FNDC8: variants seen among roughly 807,000 people sequenced by gnomAD.
The protein encoded by FNDC8 is fibronectin type III domain containing 8, also known as fibronectin type III domain-containing protein 8.
FNDC8 carries 23 observed loss-of-function variants against 24.8 expected under a neutral mutation model. The ratio of observed to expected loss-of-function variants is 0.93; its 90% CI spans 0.67 to 1.31. The LOEUF (loss-of-function observed/expected upper bound fraction) is 1.31, where lower values mean the gene tolerates loss of function less well. Among genes scored for constraint, FNDC8 ranks in the 40% most tolerant of loss-of-function variants. The pLI is 0.00. For synonymous variants in FNDC8, 158 were observed against 165.3 expected (o/e 0.96, Z 0.34); for missense variants, 371 against 398.2 (o/e 0.93, Z 0.58).
intron 1 of FNDC8, among the ~76,000 whole-genome samples, chr17:35,126,782 G>T (rs2091850830): frequency 6.6e-6 from 1 of 152,232 alleles, no homozygotes; most frequent in South Asian, 2.1e-4. Flanking sequence ...TTATAGGCGT[G>T]AGCCACTGCG....
intron 1 of FNDC8, 85 bp downstream of exon 1, chr17:35,121,987 CTTTTTTT>C: frequency 4.7e-6 from 3 of 637,506 alleles, no homozygotes; most frequent in Non-Finnish European, 7.0e-6. Context: ...TCCTTCCTTC[CTTTTTTT>C]TTTTTTTTTT....
At chr17:35,129,142 T>C (rs2091861291) in intron 2 of FNDC8, 1 of 375,460 alleles carries the variant, frequency 2.7e-6, no homozygotes, top group Non-Finnish European at 5.0e-6. Flanking sequence ...CATGGACTGC[T>C]ATCAGTTGGT....
At chr17:35,129,385 A>C (rs367578466) in intron 2 of FNDC8, 37 bp from the exon 3 acceptor site, 2 of 1,603,902 alleles carry the variant, frequency 1.2e-6, no homozygotes, top group African/African-American at 2.7e-5. Flanking sequence ...AGGACAGGAC[A>C]TATCTGAGGA....
At position 35,121,983 on chromosome 17, in the gene FNDC8, CTTCCT is replaced by C. The variant is rs538227212; in HGVS notation, c.209+84_209+88del. ...CCTTCCTTCCTCCCTTCCTTCCTTCCTTCCTTTTTTTTTTTTTTTTTGACAGGATC... is the reference window on the plus strand; with the variant it reads ...CCTTCCTTCCTCCCTTCCTTCCTTCCTTTTTTTTTTTTTTTTGACAGGATC... On this transcript the variant is annotated intron_variant, in intron 1 of 3. Transcript: ENST00000158009. 5.1e-4 allele frequency: 487 copies of C among 956,466 alleles called. 1 individual carries two copies. Among genetic ancestry groups the C allele is most frequent in the South Asian group, 4.3e-3 (258 of 59,774 alleles). 59.2% of individuals were successfully genotyped at this position (956,466 alleles called of 1,614,324 possible).
At position 35,127,126 on chromosome 17, in the gene FNDC8, C is replaced by G. The variant is rs1218986056; in HGVS notation, c.294C>G (p.Ile98Met). 2 of 1,614,106 alleles carry G rather than the reference C, an allele frequency of 1.2e-6. No individual in the cohort carries two copies. The highest frequency in any genetic ancestry group is 1.7e-6 in the Non-Finnish European group (2 of 1,180,044). Residue 98 changes from isoleucine to methionine, a missense_variant, in exon 2 of 4, where the codon ATC becomes ATG. Physicochemically the swap from Ile to Met is conservative, Grantham distance 10. Transcript: ENST00000158009. ...SAFSSTLLNP[I>M]KLAVTQPNSS... is the part of the protein sequence containing the mutation. ...TCTCATCCACCTTGCTGAACCCCAT[C>G]AAATTAGCTGTGACCCAGCCCAACA... is the stretch of plus-strand genomic sequence containing the variant.
intron 1 of FNDC8, among the ~76,000 whole-genome samples, chr17:35,123,817 T>G (rs2091839498): frequency 6.6e-6 from 1 of 151,828 alleles, no homozygotes; most frequent in Non-Finnish European, 1.5e-5. Flanking sequence ...GGGGCTAACA[T>G]CCATCCAGCA....
At chr17:35,122,179 T>A (rs1475616087) in intron 1 of FNDC8, among the ~76,000 whole-genome samples, 2 of 26,538 alleles carry the variant, frequency 7.5e-5, no homozygotes, top group African/African-American at 1.9e-4. Flanking sequence ...TATATATATA[T>A]ATATATATAT....
At chr17:35,123,195 A>G (rs2091836778) in intron 1 of FNDC8, among the ~76,000 whole-genome samples, 1 of 152,136 alleles carries the variant, frequency 6.6e-6, no homozygotes, top group African/African-American at 2.4e-5. Flanking sequence ...ACTATCTTCA[A>G]ATTCAGAATT....
At chr17:35,124,744 A>G (rs900864281) in intron 1 of FNDC8, among the ~76,000 whole-genome samples, 12 of 151,996 alleles carry the variant, frequency 7.9e-5, no homozygotes, top group African/African-American at 2.9e-4. Context: ...TTCATCAGTT[A>G]AAAAAATATT....
chr17:35,129,026 G>A (rs2091860658), intron 2 of FNDC8: 1 of 193,236 alleles, frequency 5.2e-6, no homozygotes, highest in East Asian at 1.2e-4. Flanking sequence ...AGGAGGCAGA[G>A]CTCAGGTGGT....
chr17:35,122,179 TA>T, intron 1 of FNDC8, among the ~76,000 whole-genome samples: 3 of 26,562 alleles, frequency 1.1e-4, no homozygotes, highest in African/African-American at 5.8e-4. Context: ...TATATATATA[TA>T]TATATATATA....
chr17:35,130,279 C>A lies in FNDC8; in HGVS notation c.823-3C>A. 1 of 1,613,212 alleles carries A rather than the reference C, an allele frequency of 6.2e-7. No individual in the cohort carries two copies. Among genetic ancestry groups the A allele is most frequent in the Non-Finnish European group, 8.5e-7 (1 of 1,179,552 alleles). ...TCTGAAGGGTTTTCTTGTTTCACTT[C>A]AGTTTGCAACCCTGGCCACTGACTT... On this transcript the variant is annotated splice_polypyrimidine_tract_variant and splice_region_variant and intron_variant, in intron 3 of 3. Coordinates refer to ENST00000158009, the MANE Select transcript of FNDC8 (RefSeq NM_017559.4).
chr17:35,122,203 TATATA>T (rs1567738605), intron 1 of FNDC8, among the ~76,000 whole-genome samples: 1 of 10,932 alleles, frequency 9.1e-5, no homozygotes, highest in Non-Finnish European at 1.4e-4. Flanking sequence ...TATATATATA[TATATA>T]AATTTTTTTT....
At chr17:35,126,896 T>A (rs1597883414) in intron 1 of FNDC8, 146 bp from the exon 2 acceptor site, 2 of 955,838 alleles carry the variant, frequency 2.1e-6, no homozygotes, top group East Asian at 4.9e-5. Context: ...GTGAGTCTAA[T>A]GCAATGCTAT....
chr17:35,130,505 G>A lies in FNDC8; in HGVS notation c.*71G>A. ...CCAGGCCCTCAGAAACCAGAGCCAT[G>A]AGACCTACCATACCACCAGCACCCT... On this transcript the variant is annotated 3_prime_UTR_variant, in exon 4 of 4. Transcript: ENST00000158009. The A allele has an allele frequency of 6.7e-7, 1 of 1,502,966 alleles. No individual in the cohort carries two copies. Among genetic ancestry groups the A allele is most frequent in the Admixed American group, 1.8e-5 (1 of 56,428 alleles). The allele number at this position is 1,502,966 out of a possible 1,614,324, so 93.1% of individuals were successfully genotyped here. A position where few individuals can be genotyped will look rare whatever the true frequency, so the allele number is the denominator to read the frequency against.
chr17:35,125,203 C>G (rs1412210297), intron 1 of FNDC8, among the ~76,000 whole-genome samples: 1 of 152,082 alleles, frequency 6.6e-6, no homozygotes, highest in Non-Finnish European at 1.5e-5. Context: ...ATAATCCAAG[C>G]ACTTTGGGAG....
chr17:35,130,384 C>T lies in FNDC8; in HGVS notation c.925C>T (p.Pro309Ser). ...CCGGCAAAAGATCGTGTCCATCGGG[C>T]CGGAGGAGATGCGGAGGCTGGAGGA... ...EPRQKIVSIGPEEMRRLEDLE... is the reference protein window; with the variant it reads ...EPRQKIVSIGSEEMRRLEDLE... Residue 309 changes from proline (P) to serine (S), a missense_variant, in exon 4 of 4, where the codon CCG becomes TCG. Transcript: ENST00000158009. The T allele has an allele frequency of 1.9e-6, 3 of 1,614,086 alleles. No homozygotes were observed. The highest frequency in any genetic ancestry group is 2.5e-6 in the Non-Finnish European group (3 of 1,179,990).
At chr17:35,123,307 T>G (rs1041079968) in intron 1 of FNDC8, among the ~76,000 whole-genome samples, 1 of 152,126 alleles carries the variant, frequency 6.6e-6, no homozygotes, top group African/African-American at 2.4e-5. Flanking sequence ...TTCCCCAAAG[T>G]GCCCGTAAGC....
chr17:35,121,983 CTTCCTTTT>C, intron 1 of FNDC8, 81 bp downstream of exon 1: 1 of 956,594 alleles, frequency 1.0e-6, no homozygotes. Context: ...TCCTTCCTTC[CTTCCTTTT>C]TTTTTTTTTT....
Sources: allele counts gnomAD v4.1 joint callset (sites outside exome capture counted in the v4.1 genomes callset), GRCh38; gene constraint gnomAD v4.1.1; transcripts MANE v1.5; gene names NCBI Gene and HGNC (gene_info 2026-07-23, HGNC 2026-07-21).